The following PCP4 variants were observed in gnomAD, a reference collection of about 807,000 sequenced individuals.
The protein encoded by PCP4 is Purkinje cell protein 4, also known as calmodulin regulator protein PCP4.
A neutral mutation model predicts 10.0 loss-of-function variants in PCP4; 8 were observed. The observed-to-expected ratio is 0.80, with a 90% CI of 0.47 to 1.45. PCP4 has a LOEUF of 1.45. Ranked by LOEUF, PCP4 falls within the 40% of genes most tolerant of loss-of-function variation. PCP4 has a pLI of 0.00. For synonymous variants in PCP4, 21 were observed against 23.0 expected (o/e 0.91, Z 0.24); for missense variants, 54 against 74.4 (o/e 0.73, Z 1.01).
intron 2 of PCP4, among the ~76,000 whole-genome samples, chr21:39,927,339 G>GTCTATCTATCTATCTATCTA (rs1240545991): frequency 3.3e-4 from 33 of 98,926 alleles, no homozygotes; most frequent in African/African-American, 1.0e-3. Context: ...CTATCTATCT[G>GTCTATCTATCTATCTATCTA]TCTATCTATC....
At chr21:39,896,982 G>A (rs1405231782) in intron 1 of PCP4, among the ~76,000 whole-genome samples, 1 of 152,132 alleles carries the variant, frequency 6.6e-6, no homozygotes, top group Non-Finnish European at 1.5e-5. Context: ...TGGCATCACA[G>A]TAGCAATTCC....
Position 39,906,521 on chromosome 21 carries a change from C to T in PCP4, c.61+7994C>T, listed in dbSNP as rs1333377396. On this transcript the variant is annotated intron_variant, in intron 2 of 2. Transcript: ENST00000328619. This position sits in a 1 kb window ranked among gnomAD's most constrained non-coding sequence, Gnocchi z 6.3. Reference sequence around the variant, plus strand: ...CATATTTCACCTGCCCTCTTCCTCACCCTTTCTCTTTCTCCCTCCTTCCTT... The same window carrying T: ...CATATTTCACCTGCCCTCTTCCTCATCCTTTCTCTTTCTCCCTCCTTCCTT... Among the ~76,000 whole-genome samples the T allele has an allele frequency of 6.6e-6, 1 of 151,848 alleles. No homozygotes were observed. The highest frequency in any genetic ancestry group is 1.5e-5 in the Non-Finnish European group (1 of 68,020).
chr21:39,927,824 A>T (rs1268501628), intron 2 of PCP4, among the ~76,000 whole-genome samples: 3 of 152,150 alleles, frequency 2.0e-5, no homozygotes, highest in Non-Finnish European at 4.4e-5. Context: ...TTTTAAAAGA[A>T]GTGTAGATGT....
rs2087639776 is a variant in PCP4, at chr21:39,929,228, G to A, written c.*117G>A. On this transcript the variant is annotated 3_prime_UTR_variant, in exon 3 of 3. Coordinates refer to ENST00000328619, the MANE Select transcript of PCP4 (RefSeq NM_006198.3). ...TCCACACACAATCCACACACGCATA[G>A]CAAACCTCCAATGCATGTACAGAAA... 2.1e-6 allele frequency: 2 copies of A among 956,838 alleles called. No homozygotes were observed. The highest frequency in any genetic ancestry group is 3.1e-6 in the Non-Finnish European group (2 of 645,828). 59.3% of individuals were successfully genotyped at this position (956,838 alleles called of 1,614,324 possible).
At chr21:39,895,259 T>C (rs1186051207) in intron 1 of PCP4, among the ~76,000 whole-genome samples, 1 of 152,242 alleles carries the variant, frequency 6.6e-6, no homozygotes, top group Non-Finnish European at 1.5e-5. Context: ...ATCCATCTGC[T>C]ATTTATTTTA....
intron 1 of PCP4, among the ~76,000 whole-genome samples, chr21:39,896,329 C>T (rs1249580984): frequency 5.9e-5 from 9 of 152,154 alleles, no homozygotes; most frequent in Non-Finnish European, 7.3e-5. Context: ...ATGAATTATG[C>T]AGGGAAAGAT....
At chr21:39,890,417 A>G (rs2087424067) in intron 1 of PCP4, among the ~76,000 whole-genome samples, 1 of 152,056 alleles carries the variant, frequency 6.6e-6, no homozygotes, top group Middle Eastern at 3.2e-3. Flanking sequence ...GTGCAATGGC[A>G]TGATCTCGGT....
intron 2 of PCP4, among the ~76,000 whole-genome samples, chr21:39,921,003 T>A (rs1254589320): frequency 6.6e-6 from 1 of 152,188 alleles, no homozygotes; most frequent in Non-Finnish European, 1.5e-5. Context: ...TATTACTTAC[T>A]TGTGCATTTA....
intron 1 of PCP4, among the ~76,000 whole-genome samples, chr21:39,895,236 T>C (rs1193845982): frequency 6.6e-6 from 1 of 152,230 alleles, no homozygotes; most frequent in Non-Finnish European, 1.5e-5. Context: ...TCCATTCATC[T>C]ATCCATCCAC....
chr21:39,892,637 A>G (rs1409204452), intron 1 of PCP4, among the ~76,000 whole-genome samples: 2 of 152,178 alleles, frequency 1.3e-5, no homozygotes, highest in African/African-American at 4.8e-5. Flanking sequence ...TGATATAGGC[A>G]TGCAATGTGA....
chr21:39,910,353 C>T (rs1372789754), intron 2 of PCP4, among the ~76,000 whole-genome samples: 2 of 152,136 alleles, frequency 1.3e-5, no homozygotes, highest in Admixed American at 1.3e-4. Flanking sequence ...ATCGTGGGAC[C>T]ATGATCCTCC....
intron 1 of PCP4, among the ~76,000 whole-genome samples, chr21:39,889,643 C>T (rs972906913): frequency 2.0e-5 from 3 of 151,936 alleles, no homozygotes; most frequent in Non-Finnish European, 4.4e-5. Flanking sequence ...GTCTCTATCT[C>T]CTGACCTCGT....
At chr21:39,891,028 A>G (rs1445371193) in intron 1 of PCP4, among the ~76,000 whole-genome samples, 1 of 152,202 alleles carries the variant, frequency 6.6e-6, no homozygotes, top group Non-Finnish European at 1.5e-5. Context: ...TAGCATACTT[A>G]TGTTCAGACA....
At chr21:39,879,164 A>G (rs1331666740) in intron 1 of PCP4, among the ~76,000 whole-genome samples, 1 of 151,586 alleles carries the variant, frequency 6.6e-6, no homozygotes, top group African/African-American at 2.4e-5. Flanking sequence ...TAATTTTGTA[A>G]TTTTAGTAGA....
chr21:39,910,293 A>C (rs1250887703), intron 2 of PCP4, among the ~76,000 whole-genome samples: 1 of 152,142 alleles, frequency 6.6e-6, no homozygotes, highest in African/African-American at 2.4e-5. Context: ...TGGCCTGTGT[A>C]GGAGGGCAGA....
At chr21:39,884,655 G>A (rs941022647) in intron 1 of PCP4, among the ~76,000 whole-genome samples, 1 of 152,024 alleles carries the variant, frequency 6.6e-6, no homozygotes, top group African/African-American at 2.4e-5. Flanking sequence ...AAGTTAGCCA[G>A]GCGTGGTGGC....
chr21:39,922,800 G>C (rs554713104), intron 2 of PCP4, among the ~76,000 whole-genome samples: 3 of 152,328 alleles, frequency 2.0e-5, no homozygotes, highest in African/African-American at 7.2e-5. Context: ...TGCCCAGCCT[G>C]ATAGATTTTG....
intron 1 of PCP4, among the ~76,000 whole-genome samples, chr21:39,879,075 C>T (rs1011084181): frequency 6.6e-6 from 1 of 151,540 alleles, no homozygotes. Flanking sequence ...CTGCAAAGTC[C>T]ACCTCCTGGG....
Position 39,895,141 on chromosome 21 carries a change from T to TTCCATCCA in PCP4, c.10-3314_10-3307dup, listed in dbSNP as rs559466500. On this transcript the variant is annotated intron_variant, in intron 1 of 2. Coordinates refer to ENST00000328619, the MANE Select transcript of PCP4 (RefSeq NM_006198.3). ...CATCCTTAGGTCCACCCATCCATTC[T>TTCCATCCA]TCCATCCATCCATCCATCCATCCAT... 2.8e-3 allele frequency among the ~76,000 whole-genome samples: 416 copies of TTCCATCCA among 150,962 alleles called. 1 individual carries two copies. Among genetic ancestry groups the TTCCATCCA allele is most frequent in the African/African-American group, 9.9e-3 (406 of 41,082 alleles).
Sources: gnomAD v4.1 joint callset for allele counts (sites outside exome capture counted in the v4.1 genomes callset) on GRCh38, gnomAD v4.1.1 for gene constraint, Gnocchi (gnomAD v3.1) non-coding constraint, MANE v1.5 for transcripts, NCBI Gene and HGNC (gene_info 2026-07-23, HGNC 2026-07-21) for gene names.